The following CTNNA3 variants were observed in gnomAD, a reference collection of about 807,000 sequenced individuals.
The protein encoded by CTNNA3 is catenin alpha-3.
Under a neutral mutation model 95.7 loss-of-function variants are expected in CTNNA3, and 76 were observed. The observed-to-expected ratio is 0.79, with a 90% CI of 0.66 to 0.96. The LOEUF is 0.96. Among genes scored for constraint, CTNNA3 ranks in the 40% least tolerant of loss-of-function variants. The pLI is 0.00. For missense variants in CTNNA3, 1,191 were observed against 1,089.8 expected (o/e 1.09, Z -1.31); for synonymous variants, 431 against 374.4 (o/e 1.15, Z -1.74).
chr10:67,078,305 C>G (rs1856840351), intron 7 of CTNNA3, among the ~76,000 whole-genome samples: 1 of 152,174 alleles, frequency 6.6e-6, no homozygotes, highest in Non-Finnish European at 1.5e-5. Flanking sequence ...TGCCTACTAA[C>G]TGGCCAAGGT....
intron 7 of CTNNA3, among the ~76,000 whole-genome samples, chr10:67,110,618 C>T (rs1469449639): frequency 5.3e-5 from 8 of 152,070 alleles, no homozygotes; most frequent in Non-Finnish European, 1.0e-4. Flanking sequence ...CTCTATCTTT[C>T]CTTTGCAGGT....
At chr10:65,926,511 T>A (rs2077170975) in intron 17 of CTNNA3, among the ~76,000 whole-genome samples, 1 of 151,202 alleles carries the variant, frequency 6.6e-6, no homozygotes, top group South Asian at 2.1e-4. Context: ...AGTTTCACTC[T>A]TGTTGCCCAG....
At chr10:66,607,542 G>C (rs1844174100) in intron 10 of CTNNA3, among the ~76,000 whole-genome samples, 1 of 139,602 alleles carries the variant, frequency 7.2e-6, no homozygotes, top group African/African-American at 2.6e-5. Flanking sequence ...GATGAATTTT[G>C]AGGTAGAAAT....
At chr10:66,867,768 T>C (rs1000160279) in intron 7 of CTNNA3, among the ~76,000 whole-genome samples, 1 of 151,742 alleles carries the variant, frequency 6.6e-6, no homozygotes, top group Non-Finnish European at 1.5e-5. Flanking sequence ...CTATATCTCT[T>C]AAAATCAATA....
chr10:65,948,547 T>G (rs1019306348), intron 17 of CTNNA3, among the ~76,000 whole-genome samples: 9 of 111,366 alleles, frequency 8.1e-5, no homozygotes, highest in Admixed American at 2.9e-4. Context: ...GTTGTCAGTG[T>G]TTTTTTTTGT....
chr10:67,494,721 A>G (rs1440638196), intron 5 of CTNNA3, among the ~76,000 whole-genome samples: 1 of 152,240 alleles, frequency 6.6e-6, no homozygotes, highest in Non-Finnish European at 1.5e-5. Context: ...GGGCTGCCTC[A>G]GAAAGACAGA....
chr10:66,471,454 C>G (rs545448742), intron 11 of CTNNA3, among the ~76,000 whole-genome samples: 129 of 151,816 alleles, frequency 8.5e-4, no homozygotes, highest in African/African-American at 2.8e-3. Context: ...CTTTTTAGCA[C>G]AGCTAAAATA....
chr10:67,757,488 G>A (rs1841440297), intron 1 of CTNNA3, among the ~76,000 whole-genome samples: 1 of 152,134 alleles, frequency 6.6e-6, no homozygotes, highest in Admixed American at 6.5e-5. Context: ...ACTCTGGGTG[G>A]GCACCATCTA....
intron 5 of CTNNA3, among the ~76,000 whole-genome samples, chr10:67,497,551 A>C (rs563329714): frequency 1.3e-5 from 2 of 152,178 alleles, no homozygotes; most frequent in African/African-American, 4.8e-5. Flanking sequence ...ACCCATCAAC[A>C]GTGTAAAAGC....
At chr10:67,413,282 T>TTCATCATTCA (rs1302488489) in intron 5 of CTNNA3, among the ~76,000 whole-genome samples, 7 of 133,310 alleles carry the variant, frequency 5.3e-5, no homozygotes, top group Non-Finnish European at 8.0e-5. Flanking sequence ...TCATTCTTCA[T>TTCATCATTCA]TCATTCATCA....
chr10:66,400,905 C>T (rs2093015215), intron 11 of CTNNA3, among the ~76,000 whole-genome samples: 1 of 152,054 alleles, frequency 6.6e-6, no homozygotes, highest in Non-Finnish European at 1.5e-5. Flanking sequence ...ACAACACAGA[C>T]ATAGAAATAA....
intron 15 of CTNNA3, among the ~76,000 whole-genome samples, chr10:66,030,219 G>C (rs2079423462): frequency 6.6e-6 from 1 of 152,008 alleles, no homozygotes; most frequent in African/African-American, 2.4e-5. Context: ...CAAAAAAACT[G>C]TTCTAAAATT....
intron 10 of CTNNA3, among the ~76,000 whole-genome samples, chr10:66,561,693 T>C (rs1842557958): frequency 6.6e-6 from 1 of 152,052 alleles, no homozygotes. Context: ...TGGACCTGGA[T>C]GAACAGACTA....
At chr10:65,925,279 AACAG>A (rs1385873531) in intron 17 of CTNNA3, among the ~76,000 whole-genome samples, 1 of 110,558 alleles carries the variant, frequency 9.0e-6, no homozygotes, top group East Asian at 2.9e-4. Context: ...GAAATAAGCA[AACAG>A]ACAACAACAA....
At chr10:66,243,140 T>C (rs1402636242) in intron 13 of CTNNA3, among the ~76,000 whole-genome samples, 4 of 152,190 alleles carry the variant, frequency 2.6e-5, no homozygotes, top group Admixed American at 2.0e-4. Context: ...ATCTTAAGAC[T>C]GACCAAACAG....
At chr10:67,024,778 T>C (rs1273852407) in intron 7 of CTNNA3, among the ~76,000 whole-genome samples, 1 of 152,194 alleles carries the variant, frequency 6.6e-6, no homozygotes, top group Non-Finnish European at 1.5e-5. Context: ...TTGATGTTGC[T>C]TTAAATATTT....
intron 13 of CTNNA3, among the ~76,000 whole-genome samples, chr10:66,167,291 GTTAGA>G (rs943054041): frequency 6.6e-6 from 1 of 152,082 alleles, no homozygotes; most frequent in African/African-American, 2.4e-5. Context: ...AAAATTATAT[GTTAGA>G]TTACTAAAGA....
chr10:67,339,407 T>C (rs1842102408), intron 5 of CTNNA3, among the ~76,000 whole-genome samples: 1 of 152,042 alleles, frequency 6.6e-6, no homozygotes, highest in Non-Finnish European at 1.5e-5. Flanking sequence ...AACTAAATAA[T>C]GGCAATACTG....
At chr10:67,424,126 A>G (rs536575718) in intron 5 of CTNNA3, among the ~76,000 whole-genome samples, 66 of 152,102 alleles carry the variant, frequency 4.3e-4, no homozygotes, top group African/African-American at 1.5e-3. Context: ...TCTCACCTTC[A>G]CCCATTATCT....
Sources: gnomAD v4.1 joint callset for allele counts (sites outside exome capture counted in the v4.1 genomes callset) on GRCh38, gnomAD v4.1.1 for gene constraint, MANE v1.5 for transcripts, NCBI Gene and HGNC (gene_info 2026-07-23, HGNC 2026-07-21) for gene names.